Variants in PDE3A observed in about 807,000 individuals in gnomAD.
PDE3A encodes the protein cGMP-inhibited 3',5'-cyclic phosphodiesterase 3A.
A neutral mutation model predicts 98.3 loss-of-function variants in PDE3A; 43 were observed. The observed-to-expected ratio is 0.44, with a 90% CI of 0.34 to 0.56. The LOEUF (loss-of-function observed/expected upper bound fraction) is 0.56. Ranked by LOEUF, PDE3A falls within the 20% of genes least tolerant of loss-of-function variation. The pLI is 0.01. For missense variants in PDE3A, 1,427 were observed against 1,440.7 expected (o/e 0.99, Z 0.15); for synonymous variants, 663 against 567.9 (o/e 1.17, Z -2.38).
chr12:20,510,365 T>C (rs1946198381), intron 1 of PDE3A, among the ~76,000 whole-genome samples: 1 of 152,076 alleles, frequency 6.6e-6, no homozygotes, highest in Non-Finnish European at 1.5e-5. Context: ...ATTAGCAAAC[T>C]AGGTAGAAAT....
At chr12:20,643,546 T>C (rs1944694804) in intron 10 of PDE3A, among the ~76,000 whole-genome samples, 1 of 152,194 alleles carries the variant, frequency 6.6e-6, no homozygotes, top group African/African-American at 2.4e-5. Flanking sequence ...AAGTGATTGA[T>C]GACAGTATTA....
At chr12:20,391,034 C>T (rs1023173861) in intron 1 of PDE3A, among the ~76,000 whole-genome samples, 3 of 151,852 alleles carry the variant, frequency 2.0e-5, no homozygotes, top group African/African-American at 7.3e-5. Context: ...AACCCTCTAA[C>T]GATCCCCAGG....
intron 1 of PDE3A, among the ~76,000 whole-genome samples, chr12:20,394,476 G>A (rs143206129): frequency 6.6e-6 from 1 of 151,978 alleles, no homozygotes; most frequent in Non-Finnish European, 1.5e-5. Context: ...AAGAAGTTTT[G>A]CTGTAGTTAA....
intron 1 of PDE3A, among the ~76,000 whole-genome samples, chr12:20,403,870 A>AT (rs1387087798): frequency 2.6e-5 from 4 of 152,016 alleles, no homozygotes; most frequent in Admixed American, 2.0e-4. Flanking sequence ...ATGTAGATAC[A>AT]TATATATATG....
intron 2 of PDE3A, among the ~76,000 whole-genome samples, chr12:20,596,835 C>A (rs1404850856): frequency 6.6e-6 from 1 of 152,096 alleles, no homozygotes; most frequent in Non-Finnish European, 1.5e-5. Flanking sequence ...CCTTAATAAT[C>A]TTTATCTACT....
At chr12:20,486,833 C>T (rs1945735282) in intron 1 of PDE3A, among the ~76,000 whole-genome samples, 1 of 152,168 alleles carries the variant, frequency 6.6e-6, no homozygotes, top group African/African-American at 2.4e-5. Flanking sequence ...GGGGTTTCAC[C>T]CTGTTGGCCA....
At chr12:20,672,645 T>C (rs1455195344) in intron 15 of PDE3A, among the ~76,000 whole-genome samples, 1 of 121,820 alleles carries the variant, frequency 8.2e-6, no homozygotes, top group African/African-American at 3.2e-5. Context: ...TGGCTAGCCA[T>C]ATGTAGAAAG....
At position 20,369,791 on chromosome 12, in the gene PDE3A, G is replaced by T. The variant is rs144296189; in HGVS notation, c.507G>T (p.Gly169=). ...TCGCGCTGCTGGCCGCCTGCTGCGG[G>T]GGGGAAGCGCTCGTCCAGATTGGGC... is the stretch of plus-strand genomic sequence containing the variant. The part of the protein sequence containing the change: ...LAVALLAACC[G]GEALVQIGLG... Residue 169 remains glycine, a synonymous_variant, in exon 1 of 16, where the codon GGG becomes GGT. Transcript: ENST00000359062. The T allele has an allele frequency of 1.8e-5, 29 of 1,612,458 alleles. No individual in the cohort carries two copies. Among genetic ancestry groups the T allele is most frequent in the East Asian group, 2.2e-5 (1 of 44,830 alleles).
chr12:20,371,525 C>T (rs1321543718), intron 1 of PDE3A: 7 of 906,038 alleles, frequency 7.7e-6, no homozygotes, highest in Non-Finnish European at 9.2e-6. Flanking sequence ...TTGGGTATTT[C>T]TAAGAAATAG....
In PDE3A at chr12:20,552,145, A is replaced by G. The variant is rs548475377; in HGVS notation, c.961-4515A>G. The G allele has an allele frequency of 2.2e-5, 36 of 1,613,692 alleles. No individual in the cohort carries two copies. In the African/African-American group the frequency reaches 4.3e-4, roughly 19 times the overall value. On this transcript the variant is annotated intron_variant, in intron 1 of 15. Transcript: ENST00000359062. This position sits in a 1 kb window ranked among gnomAD's most constrained non-coding sequence, Gnocchi z 5.1. Reference sequence around the variant, plus strand: ...TGATCAGAAACTCACCAACACCAACAGGGCGCTGGCTCTCAACTGCTTTGC... The same window carrying G: ...TGATCAGAAACTCACCAACACCAACGGGGCGCTGGCTCTCAACTGCTTTGC...
chr12:20,662,303 C>T (rs1945192155), intron 15 of PDE3A, among the ~76,000 whole-genome samples: 2 of 152,032 alleles, frequency 1.3e-5, no homozygotes, highest in African/African-American at 4.8e-5. Flanking sequence ...CAATAAACTC[C>T]AGGCTGAGGT....
intron 2 of PDE3A, among the ~76,000 whole-genome samples, chr12:20,577,856 T>G (rs1295366185): frequency 6.6e-6 from 1 of 152,148 alleles, no homozygotes; most frequent in Non-Finnish European, 1.5e-5. Flanking sequence ...TCTTGTATAA[T>G]TAAGAGAAAG....
At chr12:20,401,230 C>G (rs1944124547) in intron 1 of PDE3A, among the ~76,000 whole-genome samples, 2 of 152,092 alleles carry the variant, frequency 1.3e-5, no homozygotes, top group Non-Finnish European at 2.9e-5. Context: ...TACCCTCATG[C>G]CATCTGAATA....
At chr12:20,443,734 T>G (rs1462778849) in intron 1 of PDE3A, among the ~76,000 whole-genome samples, 1 of 152,206 alleles carries the variant, frequency 6.6e-6, no homozygotes, top group Non-Finnish European at 1.5e-5. Flanking sequence ...CCTACTTCCA[T>G]GAAAATGAAA....
intron 15 of PDE3A, among the ~76,000 whole-genome samples, chr12:20,668,648 A>G (rs1462512888): frequency 6.6e-6 from 1 of 151,784 alleles, no homozygotes; most frequent in Non-Finnish European, 1.5e-5. Flanking sequence ...CCTGTCTGTT[A>G]GAAGGAAAAC....
intron 1 of PDE3A, among the ~76,000 whole-genome samples, chr12:20,486,915 T>C (rs937564435): frequency 2.6e-5 from 4 of 152,252 alleles, no homozygotes; most frequent in Non-Finnish European, 5.9e-5. Flanking sequence ...ATTACAGGCA[T>C]GAGTCACCAC....
chr12:20,514,942 G>C (rs1306976207), intron 1 of PDE3A, among the ~76,000 whole-genome samples: 1 of 152,128 alleles, frequency 6.6e-6, no homozygotes, highest in Non-Finnish European at 1.5e-5. Context: ...TTTATTTCAA[G>C]AACAGTTCTA....
In PDE3A at chr12:20,613,450, G is replaced by A; in HGVS notation, c.1019G>A (p.Gly340Glu). Residue 340 changes from glycine to glutamate, a missense_variant, in exon 3 of 16, where the codon GGA becomes GAA. Gly to Glu is a moderately conservative substitution (Grantham distance 98). Around this residue, in one of 3 missense-constraint regions of PDE3A, gnomAD observed 1,012 missense variants for 886.5 expected, o/e 1.14. Transcript: ENST00000359062. ...TCTTGGTTTGTGTCTCAGTCTTCAGGAACCAGTATTACTGTGGACATCGCC... is the reference window on the plus strand; with the variant it reads ...TCTTGGTTTGTGTCTCAGTCTTCAGAAACCAGTATTACTGTGGACATCGCC... ...KRGPRGSQSS[G>E]TSITVDIAVM... 2 of 1,614,054 alleles carry A rather than the reference G, an allele frequency of 1.2e-6. No homozygotes were observed. Among genetic ancestry groups the A allele is most frequent in the Non-Finnish European group, 1.7e-6 (2 of 1,179,960 alleles).
At chr12:20,546,670 G>A (rs1942068422) in intron 1 of PDE3A, among the ~76,000 whole-genome samples, 1 of 152,000 alleles carries the variant, frequency 6.6e-6, no homozygotes, top group Non-Finnish European at 1.5e-5. Flanking sequence ...GAGTAAATGT[G>A]GTTCTAAAAG....
Sources: allele counts gnomAD v4.1 joint callset (sites outside exome capture counted in the v4.1 genomes callset), GRCh38; gene constraint gnomAD v4.1.1; regional missense constraint gnomAD v4.1.1; non-coding constraint Gnocchi (gnomAD v3.1); transcripts MANE v1.5; gene names NCBI Gene and HGNC (gene_info 2026-07-23, HGNC 2026-07-21).